The following RALGAPA1 variants were observed in gnomAD, a reference collection of about 807,000 sequenced individuals.
RALGAPA1 encodes the protein ral GTPase-activating protein subunit alpha-1.
A neutral mutation model predicts 269.6 loss-of-function variants in RALGAPA1; 52 were observed. The observed-to-expected ratio is 0.19, with a 90% CI of 0.15 to 0.24. The LOEUF is 0.24. Among genes scored for constraint, RALGAPA1 ranks in the 10% least tolerant of loss-of-function variants. The pLI, the probability that RALGAPA1 is intolerant of heterozygous loss-of-function variation, is 1.00. For missense variants in RALGAPA1, 1,917 were observed against 3,013.9 expected (o/e 0.64, Z 8.52); for synonymous variants, 817 against 1,008.3 (o/e 0.81, Z 3.60).
At chr14:35,691,944 A>C (rs1037356934) in intron 17 of RALGAPA1, among the ~76,000 whole-genome samples, 2 of 152,162 alleles carry the variant, frequency 1.3e-5, no homozygotes, top group African/African-American at 4.8e-5. Flanking sequence ...AAATTTTTCT[A>C]AGTGAAAAGC....
chr14:35,542,401 T>A (rs1266147945), intron 41 of RALGAPA1: 1 of 156,076 alleles, frequency 6.4e-6, no homozygotes, highest in Non-Finnish European at 1.4e-5. Context: ...TCAAATAATA[T>A]TTTCCTCAAA....
intron 35 of RALGAPA1, among the ~76,000 whole-genome samples, chr14:35,609,606 G>T (rs553025653): frequency 6.6e-6 from 1 of 152,098 alleles, no homozygotes; most frequent in South Asian, 2.1e-4. Context: ...TTTTAAAAAA[G>T]ATTTCATACC....
intron 21 of RALGAPA1, among the ~76,000 whole-genome samples, chr14:35,682,291 A>G (rs2140358233): frequency 6.6e-6 from 1 of 150,776 alleles, no homozygotes; most frequent in Middle Eastern, 3.4e-3. Context: ...AACACTTTGG[A>G]TTGTCAGTGT....
At chr14:35,608,277 A>T (rs551336623) in intron 35 of RALGAPA1, among the ~76,000 whole-genome samples, 1 of 152,336 alleles carries the variant, frequency 6.6e-6, no homozygotes, top group African/African-American at 2.4e-5. Flanking sequence ...GAAAAAAATC[A>T]TACTGGTAAG....
chr14:35,606,989 T>C (rs532112900), intron 35 of RALGAPA1, among the ~76,000 whole-genome samples: 1 of 152,234 alleles, frequency 6.6e-6, no homozygotes, highest in South Asian at 2.1e-4. Context: ...TAGGATATGC[T>C]AGTGTAAGCA....
At chr14:35,697,685 C>T (rs953372717) in intron 17 of RALGAPA1, among the ~76,000 whole-genome samples, 1 of 151,222 alleles carries the variant, frequency 6.6e-6, no homozygotes, top group South Asian at 2.1e-4. Context: ...TTTCTAAGGG[C>T]CTTTGGTATG....
intron 11 of RALGAPA1, among the ~76,000 whole-genome samples, chr14:35,739,613 T>TGTTTGAGTTG (rs1161014692): frequency 6.6e-6 from 1 of 152,156 alleles, no homozygotes; most frequent in Non-Finnish European, 1.5e-5. Flanking sequence ...AAAATTCCCA[T>TGTTTGAGTTG]CCATGTGTGA....
intron 1 of RALGAPA1, among the ~76,000 whole-genome samples, chr14:35,786,551 T>C (rs1369444598): frequency 6.6e-6 from 1 of 151,782 alleles, no homozygotes. Context: ...GGCAGGAGAA[T>C]GGCGTGAACC....
Position 35,627,419 on chromosome 14 carries a change from A to G in RALGAPA1, c.6528T>C (p.Thr2176=), listed in dbSNP as rs773972107. The G allele has an allele frequency of 6.2e-7, 1 of 1,613,942 alleles. No individual in the cohort carries two copies. The highest frequency in any genetic ancestry group is 8.5e-7 in the Non-Finnish European group (1 of 1,179,970). ...CTTCTTCATCTCTTATTGTATCCCA[A>G]GTTGGTACAGTTTCTCTAAATCTTT... The part of the protein sequence containing the change: ...QFKRFRETVP[T]WDTIRDEEDV... The change falls in exon 34 of 42, where the codon ACT becomes ACC. Residue 2176 remains threonine, a synonymous_variant. Coordinates refer to ENST00000680220, the MANE Select transcript of RALGAPA1 (RefSeq NM_001346249.2).
At chr14:35,764,989 A>G (rs1335233445) in intron 4 of RALGAPA1, among the ~76,000 whole-genome samples, 1 of 152,240 alleles carries the variant, frequency 6.6e-6, no homozygotes, top group Non-Finnish European at 1.5e-5. Flanking sequence ...TTTCACATGT[A>G]GGTCCTGAAA....
At chr14:35,542,074 G>A (rs1176523005) in intron 41 of RALGAPA1, 1 of 1,089,486 alleles carries the variant, frequency 9.2e-7, no homozygotes, top group Admixed American at 2.5e-5. Flanking sequence ...GAAGAAAAAA[G>A]GTCTATGAGA....
intron 35 of RALGAPA1, among the ~76,000 whole-genome samples, chr14:35,611,274 T>A (rs1316549278): frequency 6.6e-6 from 1 of 151,440 alleles, no homozygotes; most frequent in Non-Finnish European, 1.5e-5. Context: ...GGCGGGTGGA[T>A]CATGAGGTCA....
At chr14:35,790,434 T>TAG (rs2076077160) in intron 1 of RALGAPA1, among the ~76,000 whole-genome samples, 10 of 152,040 alleles carry the variant, frequency 6.6e-5, no homozygotes, top group Admixed American at 2.6e-4. Context: ...AGGCCTGTAA[T>TAG]CCCAGCACTT....
intron 1 of RALGAPA1, among the ~76,000 whole-genome samples, chr14:35,791,814 A>G (rs2076192036): frequency 2.0e-5 from 3 of 149,590 alleles, no homozygotes; most frequent in East Asian, 2.0e-4. Flanking sequence ...GCTGAGGCAG[A>G]AGAATGGCGT....
intron 31 of RALGAPA1, among the ~76,000 whole-genome samples, chr14:35,643,505 C>G (rs1224940693): frequency 6.6e-6 from 1 of 152,122 alleles, no homozygotes; most frequent in Non-Finnish European, 1.5e-5. Context: ...AAGATAACTA[C>G]TATATGATCC....
intron 1 of RALGAPA1, among the ~76,000 whole-genome samples, chr14:35,792,646 G>A (rs1344272569): frequency 1.3e-5 from 2 of 151,856 alleles, no homozygotes; most frequent in East Asian, 2.0e-4. Flanking sequence ...AGCCGGGTAT[G>A]GCGGTGCATG....
In RALGAPA1 at chr14:35,542,187, AG is replaced by A. The variant is rs2054071063; in HGVS notation, c.*24-2498del. On this transcript the variant is annotated intron_variant, in intron 41 of 41. Transcript: ENST00000680220. ...CTAGAGCTGCATTGTCCAATGTGGT[AG>A]CCACAGCCACATTAAGTTTAAATTT... 8.9e-6 allele frequency: 3 copies of A among 336,652 alleles called. No homozygotes were observed. In the Admixed American group the frequency reaches 1.4e-4, roughly 15 times the overall value. The allele number at this position is 336,652 out of a possible 1,614,324, so 20.9% of individuals were successfully genotyped here.
chr14:35,594,707 T>C (rs1427244130), intron 37 of RALGAPA1, among the ~76,000 whole-genome samples: 1 of 147,676 alleles, frequency 6.8e-6, no homozygotes, highest in Non-Finnish European at 1.5e-5. Flanking sequence ...AAATGTAGAC[T>C]GTACAGCAAT....
intron 35 of RALGAPA1, among the ~76,000 whole-genome samples, chr14:35,624,706 G>A (rs1398736287): frequency 6.6e-6 from 1 of 152,106 alleles, no homozygotes; most frequent in Non-Finnish European, 1.5e-5. Flanking sequence ...GGAATGGTCT[G>A]AATCATCTTA....
Sources: gnomAD v4.1 joint callset for allele counts (sites outside exome capture counted in the v4.1 genomes callset) on GRCh38, gnomAD v4.1.1 for gene constraint, MANE v1.5 for transcripts, NCBI Gene and HGNC (gene_info 2026-07-23, HGNC 2026-07-21) for gene names.